The following DDX27 variants were observed in gnomAD, a reference collection of about 807,000 sequenced individuals.
DDX27 encodes the protein DEAD-box helicase 27.
In DDX27, 42 loss-of-function variants were observed where a neutral mutation model predicts 99.3. The observed-to-expected ratio is 0.42, with a 90% CI of 0.33 to 0.55. The LOEUF (loss-of-function observed/expected upper bound fraction) is 0.55. Among genes scored for constraint, DDX27 ranks in the 20% least tolerant of loss-of-function variants. The pLI, the probability that DDX27 is intolerant of heterozygous loss-of-function variation, is 0.07. For missense variants in DDX27, 798 were observed against 976.8 expected (o/e 0.82, Z 2.44); for synonymous variants, 329 against 353.8 (o/e 0.93, Z 0.79).
chr20:49,230,043 C>T (rs569423578), intron 8 of DDX27, among the ~76,000 whole-genome samples, 156 bp from the exon 9 acceptor site: 2 of 152,272 alleles, frequency 1.3e-5, no homozygotes, highest in Non-Finnish European at 1.5e-5. Flanking sequence ...TTTCCCAGTG[C>T]GTTTCTGGGA....
Position 49,221,456 on chromosome 20 carries a change from C to T in DDX27, c.98C>T (p.Pro33Leu), listed in dbSNP as rs143998518. The T allele has an allele frequency of 6.2e-7, 1 of 1,613,258 alleles. No individual in the cohort carries two copies. Among genetic ancestry groups the T allele is most frequent in the Non-Finnish European group, 8.5e-7 (1 of 1,179,940 alleles). Reference sequence around the variant, plus strand: ...TCTGTCTCTTACTCTTCCCAGGGGCCCATTGTGCTGGGCAGACGACAAAAA... The same window carrying T: ...TCTGTCTCTTACTCTTCCCAGGGGCTCATTGTGCTGGGCAGACGACAAAAA... ...SDSGDEEEEG[P>L]IVLGRRQKAL... is the part of the protein sequence containing the mutation. The change falls in exon 2 of 21, where the codon CCC (proline) becomes CTC (leucine). Residue 33 changes from proline to leucine, a missense_variant. Physicochemically the swap from Pro to Leu is moderately conservative, Grantham distance 98. Around this residue, in one of 2 missense-constraint regions of DDX27, gnomAD observed 245 missense variants for 248.8 expected, o/e 0.98. Transcript: ENST00000618172.
At chr20:49,233,273 C>G (rs1455328834) in intron 9 of DDX27, 33 bp from the exon 10 acceptor site, 1 of 1,563,296 alleles carries the variant, frequency 6.4e-7, no homozygotes, top group Non-Finnish European at 8.8e-7. Context: ...AGAGCACTCT[C>G]TCCATTTCTG....
At position 49,236,237 on chromosome 20, in the gene DDX27, C is replaced by T; in HGVS notation, c.1509+6C>T. 6.2e-7 allele frequency: 1 copy of T among 1,600,964 alleles called. No individual in the cohort carries two copies. The highest frequency in any genetic ancestry group is 8.5e-7 in the Non-Finnish European group (1 of 1,173,810). On this transcript the variant is annotated splice_donor_region_variant and intron_variant, in intron 13 of 20. Transcript: ENST00000618172. This position sits in a 1 kb window ranked among gnomAD's most constrained non-coding sequence, Gnocchi z 4.1. The stretch of plus-strand genomic sequence containing the variant: ...ACATTGAGGGGGTCAAAACGGTGAG[C>T]AGACACTATCTTCCTTGGACTTTTG...
In DDX27 at chr20:49,225,494, C is replaced by T. The variant is rs527364450; in HGVS notation, c.600+295C>T. On this transcript the variant is annotated intron_variant, in intron 6 of 20. Transcript: ENST00000618172. ...TTTTTGAGACGGAGTCTCACTCTGT[C>T]GCCCAGGCTGGAGTGCAGTGGCACA... Among the ~76,000 whole-genome samples the T allele has an allele frequency of 5.6e-3, 706 of 125,768 alleles. 2 individuals carry two copies. Among genetic ancestry groups the T allele is most frequent in the Non-Finnish European group, 9.3e-3 (589 of 63,298 alleles). The allele number at this position is 125,768 out of a possible 152,430, so 82.5% of individuals were successfully genotyped here. A position where few individuals can be genotyped will look rare whatever the true frequency, so the allele number is the denominator to read the frequency against.
In DDX27 at chr20:49,236,156, T is replaced by G. The variant is rs763789633; in HGVS notation, c.1434T>G (p.Phe478Leu). The G allele has an allele frequency of 8.1e-6, 13 of 1,610,814 alleles. No individual in the cohort carries two copies. Among genetic ancestry groups the G allele is most frequent in the Non-Finnish European group, 1.0e-5 (12 of 1,178,642 alleles). The change falls in exon 13 of 21, where the codon TTT becomes TTG. Residue 478 changes from phenylalanine to leucine, a missense_variant. Around this residue, in one of 2 missense-constraint regions of DDX27, gnomAD observed 553 missense variants for 727.9 expected, o/e 0.76. Coordinates refer to ENST00000618172, the MANE Select transcript of DDX27 (RefSeq NM_017895.8). This position sits in a 1 kb window ranked among gnomAD's most constrained non-coding sequence, Gnocchi z 4.1. ...TGTTTGTGACTGTTTCTAGGCGTTTTAAGGATGAACAGATTGACATCCTCG... is the reference window on the plus strand; with the variant it reads ...TGTTTGTGACTGTTTCTAGGCGTTTGAAGGATGAACAGATTGACATCCTCG... Reference protein sequence around the residue: ...QTQRLEALRRFKDEQIDILVA... With the variant: ...QTQRLEALRRLKDEQIDILVA...
rs1020251470 is a variant in DDX27, at chr20:49,243,856, C to A, written c.*22C>A. 7 of 1,613,862 alleles carry A rather than the reference C, an allele frequency of 4.3e-6. No individual in the cohort carries two copies. Among genetic ancestry groups the A allele is most frequent in the Non-Finnish European group, 5.1e-6 (6 of 1,179,978 alleles). ...GTAGCTGTCGTGGCCTGAAGAAATT[C>A]ATGGGGGCAGCCCTTAAATCCCTTC... On this transcript the variant is annotated 3_prime_UTR_variant, in exon 21 of 21. Coordinates refer to ENST00000618172, the MANE Select transcript of DDX27 (RefSeq NM_017895.8).
At chr20:49,221,703 C>T in intron 2 of DDX27, 105 bp downstream of exon 2, 1 of 951,184 alleles carries the variant, frequency 1.1e-6, no homozygotes, top group East Asian at 2.9e-5. Flanking sequence ...TTACATTCAG[C>T]AGATACTACA....
intron 18 of DDX27, 102 bp downstream of exon 18, chr20:49,242,308 T>C: frequency 7.9e-6 from 12 of 1,519,374 alleles, no homozygotes; most frequent in Non-Finnish European, 9.7e-6. Context: ...GTAGCCCACA[T>C]TATTTGAGTA....
Position 49,238,765 on chromosome 20 carries a change from C to CTTTTTTT in DDX27, c.1688-165_1688-159dup, listed in dbSNP as rs71186443. ...TACAGGCATGAGCCACTGTGCCTGG[C>CTTTTTTT]TTTTTTTTTTTTTTTTTTTTTTTTT... is the stretch of plus-strand genomic sequence containing the variant. On this transcript the variant is annotated intron_variant, in intron 14 of 20. Transcript: ENST00000618172. The CTTTTTTT allele has an allele frequency of 3.0e-4, 71 of 239,662 alleles. 22 individuals are homozygous for CTTTTTTT. Among genetic ancestry groups the CTTTTTTT allele is most frequent in the East Asian group, 9.7e-4 (9 of 9,324 alleles). The allele number at this position is 239,662 out of a possible 1,614,324, so 14.8% of individuals were successfully genotyped here.
rs528913415 is a variant in DDX27, at chr20:49,233,470, C to G, written c.1131+65C>G. On this transcript the variant is annotated intron_variant, in intron 10 of 20. Transcript: ENST00000618172. ...CCCAGAGGGGGCCATGCAGAGGACC[C>G]TGGCTGGGCTTGAGGGGGTTTGCCT... 5 of 1,603,368 alleles carry G rather than the reference C, an allele frequency of 3.1e-6. No individual in the cohort carries two copies. The South Asian group carries it at 5.5e-5, about 18-fold the overall frequency.
chr20:49,225,084 C>A (rs757954131), intron 5 of DDX27, 29 bp from the exon 6 acceptor site: 52 of 1,610,794 alleles, frequency 3.2e-5, no homozygotes, highest in Non-Finnish European at 4.3e-5. Flanking sequence ...TTGTTGAATT[C>A]TCTTCTCTCT....
chr20:49,236,395 A>T lies in DDX27; in HGVS notation c.1572A>T (p.Ala524=). The T allele has an allele frequency of 6.2e-7, 1 of 1,612,394 alleles. No individual in the cohort carries two copies. The highest frequency in any genetic ancestry group is 8.5e-7 in the Non-Finnish European group (1 of 1,179,214). The change falls in exon 14 of 21, where the codon GCA becomes GCT. Residue 524 remains alanine, a synonymous_variant. Transcript: ENST00000618172. This position sits in a 1 kb window ranked among gnomAD's most constrained non-coding sequence, Gnocchi z 4.1. ...KHYVHRVGRT[A]RAGRAGRSVS... is the part of the protein sequence containing the mutation. ...ATGTCCACCGGGTGGGGCGAACAGC[A>T]CGTGCTGGCAGGGCTGGGCGCTCAG...
chr20:49,221,505 T>C lies in DDX27; in HGVS notation c.147T>C (p.Ala49=). The change falls in exon 2 of 21, where the codon GCT becomes GCC. Residue 49 remains alanine, a synonymous_variant. Coordinates refer to ENST00000618172, the MANE Select transcript of DDX27 (RefSeq NM_017895.8). ...RQKALGKNRS[A]DFNPDFVFTE... The stretch of plus-strand genomic sequence containing the variant: ...AAGCTTTGGGGAAGAACCGCAGTGC[T>C]GATTTCAACCCTGATTTCGTTTTCA... The C allele has an allele frequency of 1.9e-6, 3 of 1,613,852 alleles. No individual in the cohort carries two copies. Among genetic ancestry groups the C allele is most frequent in the East Asian group, 2.2e-5 (1 of 44,882 alleles).
At chr20:49,237,846 G>T in intron 14 of DDX27, 1 of 152,970 alleles carries the variant, frequency 6.5e-6, no homozygotes, top group Non-Finnish European at 1.5e-5. Context: ...AGGAGGCTCA[G>T]GCGTGGTGAG....
intron 1 of DDX27, 101 bp from the exon 2 acceptor site, chr20:49,221,338 TTCGCCTCCTAAAG>T (rs1979674353): frequency 4.0e-6 from 5 of 1,244,876 alleles, no homozygotes; most frequent in Non-Finnish European, 5.7e-6. Flanking sequence ...TCTGCGTGCC[TTCGCCTCCTAAAG>T]TGCTGGGATT....
rs138551569 is a variant in DDX27, at chr20:49,226,139, C to T, written c.601-291C>T. Among the ~76,000 whole-genome samples the T allele has an allele frequency of 2.1e-3, 318 of 152,300 alleles. 3 individuals are homozygous for T. Among genetic ancestry groups the T allele is most frequent in the Non-Finnish European group, 8.5e-4 (58 of 68,022 alleles). The stretch of plus-strand genomic sequence containing the variant: ...GCACTCCCCCTGCTGCCCGTCTGGC[C>T]GCTGCATTGTTTTCCGCAGCATCTC... On this transcript the variant is annotated intron_variant, in intron 6 of 20. Coordinates refer to ENST00000618172, the MANE Select transcript of DDX27 (RefSeq NM_017895.8).
In DDX27 at chr20:49,241,976, G is replaced by A; in HGVS notation, c.1981G>A (p.Gly661Arg). ...GTTTATGAAGGATGCCAAAAAAAAG[G>A]GGGAGATGACAGTGAGTGGCCTCCC... The part of the protein sequence containing the change: ...KKFMKDAKKK[G>R]EMTAEERSQF... Residue 661 changes from glycine to arginine, a missense_variant, in exon 17 of 21, where the codon GGG becomes AGG. Physicochemically the swap from Gly to Arg is moderately radical, Grantham distance 125 (BLOSUM62 -2). Transcript: ENST00000618172. The A allele has an allele frequency of 6.2e-7, 1 of 1,613,794 alleles. No homozygotes were observed. Among genetic ancestry groups the A allele is most frequent in the Middle Eastern group, 1.7e-4 (1 of 6,058 alleles).
In DDX27 at chr20:49,236,114, G is replaced by A. The variant is rs1980297222; in HGVS notation, c.1428-36G>A. 1.3e-6 allele frequency: 2 copies of A among 1,574,412 alleles called. No individual in the cohort carries two copies. The highest frequency in any genetic ancestry group is 1.2e-5 in the South Asian group (1 of 86,016). ...TCTTGTGGAGCATTATTAGGGGAGG[G>A]TGTCTGGATGAACAGCTGTTTGTGA... On this transcript the variant is annotated intron_variant, in intron 12 of 20. Coordinates refer to ENST00000618172, the MANE Select transcript of DDX27 (RefSeq NM_017895.8). This position sits in a 1 kb window ranked among gnomAD's most constrained non-coding sequence, Gnocchi z 4.1.
At chr20:49,225,596 C>G (rs1979857291) in intron 6 of DDX27, among the ~76,000 whole-genome samples, 1 of 151,940 alleles carries the variant, frequency 6.6e-6, no homozygotes, top group Non-Finnish European at 1.5e-5. Flanking sequence ...GCTGGGACTA[C>G]AGGCACACGC....
Sources: gnomAD v4.1 joint callset for allele counts (sites outside exome capture counted in the v4.1 genomes callset) on GRCh38, gnomAD v4.1.1 for gene constraint, gnomAD v4.1.1 regional missense constraint, Gnocchi (gnomAD v3.1) non-coding constraint, MANE v1.5 for transcripts, NCBI Gene and HGNC (gene_info 2026-07-23, HGNC 2026-07-21) for gene names.